The following PDE3B variants were observed in gnomAD, a reference collection of about 807,000 sequenced individuals.
PDE3B encodes cGMP-inhibited 3',5'-cyclic phosphodiesterase 3B.
Under a neutral mutation model 116.8 loss-of-function variants are expected in PDE3B, and 66 were observed. The ratio of observed to expected loss-of-function variants is 0.56; its 90% confidence interval spans 0.46 to 0.69. PDE3B has a LOEUF of 0.69. PDE3B is among the 30% of genes least tolerant of loss of function. The pLI is 0.00. For synonymous variants in PDE3B, 595 were observed against 533.6 expected, an observed-to-expected ratio of 1.12 and a Z score of -1.59; for missense variants, 1,384 against 1,368.1, an observed-to-expected ratio of 1.01 and a Z score of -0.18.
At position 14,845,153 on chromosome 11, in the gene PDE3B, C is replaced by T. The variant is rs1383706682; in HGVS notation, c.2520+1127C>T. Among the ~76,000 whole-genome samples the T allele has an allele frequency of 2.0e-5, 3 of 151,934 alleles. 1 individual carries two copies. The highest frequency in any genetic ancestry group is 4.8e-5 in the African/African-American group (2 of 41,264). On this transcript the variant is annotated intron_variant, in intron 12 of 15. Transcript: ENST00000282096. Reference sequence around the variant, plus strand: ...CTCCGAGACAAAACTTCCAGAGGAACGATCAGACAGCAGCGTTCACGGTTC... The same window carrying T: ...CTCCGAGACAAAACTTCCAGAGGAATGATCAGACAGCAGCGTTCACGGTTC...
chr11:14,724,566 C>G (rs766560818), intron 1 of PDE3B, among the ~76,000 whole-genome samples: 3 of 152,072 alleles, frequency 2.0e-5, no homozygotes, highest in Admixed American at 6.5e-5. Flanking sequence ...GTTGCTCAGC[C>G]AGTGTAATGG....
chr11:14,892,337 AGC>A, the PDE3B span: 1 of 846,192 alleles, frequency 1.2e-6, no homozygotes, highest in Non-Finnish European at 1.9e-6. Context: ...TGACTGAGTG[AGC>A]GCTCAGGCCC....
chr11:14,849,797 C>G (rs1040358835), intron 12 of PDE3B, among the ~76,000 whole-genome samples: 1 of 152,096 alleles, frequency 6.6e-6, no homozygotes, highest in Non-Finnish European at 1.5e-5. Context: ...GATACCATCT[C>G]ACACCAGTTA....
intron 11 of PDE3B, 42 bp downstream of exon 11, chr11:14,835,137 T>G (rs1250202415): frequency 1.6e-6 from 2 of 1,256,730 alleles, no homozygotes; most frequent in Non-Finnish European, 2.3e-6. Context: ...TGATCAGGAA[T>G]AGTAAATCAA....
intron 1 of PDE3B, among the ~76,000 whole-genome samples, chr11:14,752,635 A>C (rs1857084962): frequency 6.6e-6 from 1 of 152,040 alleles, no homozygotes; most frequent in Non-Finnish European, 1.5e-5. Flanking sequence ...AATTTTAAGG[A>C]GATCCATTGA....
intron 1 of PDE3B, among the ~76,000 whole-genome samples, chr11:14,668,029 G>T (rs988384518): frequency 2.7e-5 from 4 of 148,236 alleles, no homozygotes; most frequent in Admixed American, 2.0e-4. Flanking sequence ...ATTAATGCAA[G>T]AGTAAAAAAA....
chr11:14,771,758 C>G (rs1002523298), intron 1 of PDE3B, among the ~76,000 whole-genome samples, 179 bp from the exon 2 acceptor site: 1 of 151,326 alleles, frequency 6.6e-6, no homozygotes, highest in Non-Finnish European at 1.5e-5. Context: ...TTTGATTTCT[C>G]AATTATAGAT....
At chr11:14,817,489 CT>C (rs1188973945) in intron 5 of PDE3B, among the ~76,000 whole-genome samples, 2 of 152,044 alleles carry the variant, frequency 1.3e-5, no homozygotes, top group Admixed American at 1.3e-4. Flanking sequence ...GTGGCTTAAG[CT>C]TGTAATCCCA....
intron 1 of PDE3B, among the ~76,000 whole-genome samples, chr11:14,679,398 T>C (rs1854630171): frequency 6.6e-6 from 1 of 152,202 alleles, no homozygotes; most frequent in African/African-American, 2.4e-5. Flanking sequence ...TCCACCTTTG[T>C]TGCTTCATTC....
At position 14,798,585 on chromosome 11, in the gene PDE3B, T is replaced by C. The variant is rs554844995; in HGVS notation, c.1416-5359T>C. ...CTGGACTTTTTTTTGGTTGGTAGGC[T>C]ATTAATTACTGCCTCCATTTCAGAG... On this transcript the variant is annotated intron_variant, in intron 4 of 15. Coordinates refer to ENST00000282096, the MANE Select transcript of PDE3B (RefSeq NM_000922.4). Among the ~76,000 whole-genome samples the C allele has an allele frequency of 5.9e-5, 9 of 152,372 alleles. No individual in the cohort carries two copies. The South Asian group carries it at 1.9e-3, about 32-fold the overall frequency.
intron 1 of PDE3B, among the ~76,000 whole-genome samples, chr11:14,718,159 CA>C (rs1855968907): frequency 8.6e-6 from 1 of 116,502 alleles, no homozygotes; most frequent in South Asian, 3.4e-4. Context: ...CAACAAAGAT[CA>C]AAAGAGACAA....
At chr11:14,807,122 G>A (rs967381200) in intron 5 of PDE3B, among the ~76,000 whole-genome samples, 1 of 152,058 alleles carries the variant, frequency 6.6e-6, no homozygotes, top group African/African-American at 2.4e-5. Flanking sequence ...TGGGGGGCTG[G>A]GGGAGGGATA....
intron 1 of PDE3B, among the ~76,000 whole-genome samples, chr11:14,725,584 TCCCCCTTCCCTCCCCTCC>T (rs1856280825): frequency 1.3e-5 from 1 of 75,774 alleles, no homozygotes; most frequent in Non-Finnish European, 2.6e-5. Context: ...TCTCCCTCCC[TCCCCCTTCCCTCCCCTCC>T]CCTCTCCTGT....
chr11:14,692,285 T>C (rs1279493334), intron 1 of PDE3B, among the ~76,000 whole-genome samples: 1 of 151,544 alleles, frequency 6.6e-6, no homozygotes, highest in Non-Finnish European at 1.5e-5. Context: ...AAAAATGATA[T>C]ATATAATAAT....
intron 1 of PDE3B, among the ~76,000 whole-genome samples, chr11:14,721,999 C>T (rs1033979527): frequency 1.3e-5 from 2 of 150,100 alleles, no homozygotes; most frequent in African/African-American, 4.9e-5. Flanking sequence ...ATGATGAGTT[C>T]ATGTCCTTTG....
intron 1 of PDE3B, among the ~76,000 whole-genome samples, chr11:14,729,337 A>G (rs1236061560): frequency 1.3e-5 from 2 of 152,230 alleles, no homozygotes; most frequent in Non-Finnish European, 2.9e-5. Flanking sequence ...TTTGTAAAAT[A>G]ACATTTCAAA....
At chr11:14,703,586 A>C (rs1451714825) in intron 1 of PDE3B, among the ~76,000 whole-genome samples, 1 of 151,734 alleles carries the variant, frequency 6.6e-6, no homozygotes, top group Non-Finnish European at 1.5e-5. Context: ...AAGAGATCTT[A>C]GCATATTATA....
At chr11:14,829,770 A>AATCTGTAC (rs1859811876) in intron 7 of PDE3B, among the ~76,000 whole-genome samples, 1 of 152,116 alleles carries the variant, frequency 6.6e-6, no homozygotes, top group African/African-American at 2.4e-5. Flanking sequence ...GTGATGAAAT[A>AATCTGTAC]ATCTGTACAA....
intron 1 of PDE3B, among the ~76,000 whole-genome samples, chr11:14,676,664 G>A (rs183652229): frequency 1.3e-4 from 20 of 152,118 alleles, no homozygotes; most frequent in African/African-American, 3.4e-4. Flanking sequence ...AAAAGTAACC[G>A]CGTCACAATG....
Sources: allele counts gnomAD v4.1 joint callset (sites outside exome capture counted in the v4.1 genomes callset), GRCh38; gene constraint gnomAD v4.1.1; transcripts MANE v1.5; gene names NCBI Gene and HGNC (gene_info 2026-07-23, HGNC 2026-07-21).